PCLO: variants seen among roughly 807,000 people sequenced by gnomAD.
The protein encoded by PCLO is protein piccolo.
A neutral mutation model predicts 427.5 loss-of-function variants in PCLO; 82 were observed. That is an observed-to-expected ratio of 0.19 (90% CI 0.16 to 0.23). The LOEUF is 0.23. Ranked by LOEUF, PCLO falls within the 10% of genes least tolerant of loss-of-function variation. PCLO has a pLI of 1.00. For synonymous variants in PCLO, 2,357 were observed against 2,155.4 expected, an observed-to-expected ratio of 1.09 and a Z score of -2.59; for missense variants, 6,239 against 6,115.9, an observed-to-expected ratio of 1.02 and a Z score of -0.67.
chr7:82,935,831 A>G (rs1794941868), intron 6 of PCLO, among the ~76,000 whole-genome samples: 1 of 151,690 alleles, frequency 6.6e-6, no homozygotes, highest in Non-Finnish European at 1.5e-5. Flanking sequence ...TGATCCCTCT[A>G]TTAAAGCAAA....
intron 3 of PCLO, among the ~76,000 whole-genome samples, chr7:83,084,085 C>T (rs544191549): frequency 3.9e-5 from 6 of 152,188 alleles, no homozygotes; most frequent in African/African-American, 1.2e-4. Flanking sequence ...AAATGTCCAA[C>T]TTTGTCAACT....
At position 82,953,981 on chromosome 7, in the gene PCLO, C is replaced by G; in HGVS notation, c.6972G>C (p.Lys2324Asn). The G allele has an allele frequency of 6.2e-7, 1 of 1,613,912 alleles. No individual in the cohort carries two copies. Among genetic ancestry groups the G allele is most frequent in the African/African-American group, 1.3e-5 (1 of 75,028 alleles). Residue 2324 changes from lysine to asparagine, a missense_variant, in exon 5 of 25, where the codon AAG becomes AAC. By Grantham distance (94) the Lys-to-Asn change is moderately conservative (BLOSUM62 0). Coordinates refer to ENST00000333891, the MANE Select transcript of PCLO (RefSeq NM_033026.6). ...TTTTTGTTCGTTCGGCCTCCAACTC[C>G]TTTTTATCTCTGTAAGCTTCCAAAA... is the stretch of plus-strand genomic sequence containing the variant. ...LEVLEAYRDK[K>N]ELEAERTKSS...
chr7:82,913,909 G>C (rs1276315142), intron 7 of PCLO, among the ~76,000 whole-genome samples: 1 of 151,922 alleles, frequency 6.6e-6, no homozygotes, highest in Non-Finnish European at 1.5e-5. Flanking sequence ...GGCTAAATGG[G>C]CAAATCAGGA....
At chr7:83,151,901 T>C (rs946955905) in intron 2 of PCLO, among the ~76,000 whole-genome samples, 1 of 152,048 alleles carries the variant, frequency 6.6e-6, no homozygotes, top group Non-Finnish European at 1.5e-5. Context: ...CACAAAATTA[T>C]GGGAAGTTTA....
chr7:82,843,466 T>C (rs1032068314), intron 13 of PCLO, among the ~76,000 whole-genome samples: 3 of 152,102 alleles, frequency 2.0e-5, no homozygotes, highest in Non-Finnish European at 4.4e-5. Context: ...TCAAAAGCTC[T>C]GTTATACAAC....
At position 83,134,852 on chromosome 7, in the gene PCLO, C is replaced by T; in HGVS notation, c.2698G>A (p.Glu900Lys). 6.2e-7 allele frequency: 1 copy of T among 1,610,542 alleles called. No homozygotes were observed. Residue 900 changes from glutamate (E) to lysine (K), a missense_variant, in exon 3 of 25, where the codon GAG (glutamate) becomes AAG (lysine). Transcript: ENST00000333891. ...PTPQQSPKPQ[E>K]QSRRFSLNLG... ...TTCAGACTGAAACGCCTTGACTGCT[C>T]CTGAGGCTTTGGGGACTGTTGAGGT...
At chr7:83,039,675 C>T (rs1788923062) in intron 3 of PCLO, among the ~76,000 whole-genome samples, 1 of 152,054 alleles carries the variant, frequency 6.6e-6, no homozygotes, top group East Asian at 1.9e-4. Context: ...TTTGGATAAT[C>T]TGGGCCCCTT....
intron 3 of PCLO, among the ~76,000 whole-genome samples, chr7:82,991,770 G>GC (rs1409536510): frequency 6.6e-6 from 1 of 152,060 alleles, no homozygotes; most frequent in African/African-American, 2.4e-5. Context: ...GGAACAACTA[G>GC]CCTCCCTTCC....
chr7:83,150,081 G>A (rs778152599), intron 2 of PCLO, among the ~76,000 whole-genome samples: 3 of 152,002 alleles, frequency 2.0e-5, no homozygotes, highest in Non-Finnish European at 2.9e-5. Flanking sequence ...GTGATAAGTC[G>A]TTTTCATTTA....
intron 3 of PCLO, among the ~76,000 whole-genome samples, chr7:83,074,692 C>A (rs2116369959): frequency 6.6e-6 from 1 of 152,154 alleles, no homozygotes; most frequent in South Asian, 2.1e-4. Context: ...ATTTGAAAAT[C>A]ATAAAATAAC....
chr7:82,826,555 G>T, intron 18 of PCLO, 34 bp downstream of exon 18: 1 of 1,379,330 alleles, frequency 7.2e-7, no homozygotes, highest in Non-Finnish European at 1.0e-6. Context: ...GTTTACCATA[G>T]CAGCAAATAA....
chr7:83,076,568 AT>A, intron 3 of PCLO, among the ~76,000 whole-genome samples: 1 of 150,156 alleles, frequency 6.7e-6, no homozygotes, highest in South Asian at 2.1e-4. Flanking sequence ...TGGCAGAGAA[AT>A]TTCACTTCTT....
intron 6 of PCLO, among the ~76,000 whole-genome samples, chr7:82,933,198 G>A (rs1303914797): frequency 2.6e-5 from 4 of 151,958 alleles, no homozygotes; most frequent in Non-Finnish European, 5.9e-5. Context: ...GATTGGACTA[G>A]TCTTTGAGTT....
At chr7:83,069,345 T>C (rs1163827161) in intron 3 of PCLO, among the ~76,000 whole-genome samples, 3 of 152,142 alleles carry the variant, frequency 2.0e-5, no homozygotes, top group African/African-American at 7.2e-5. Flanking sequence ...AATCCACTCA[T>C]AAGTGAACCC....
At chr7:82,761,770 G>A (rs184500463) in intron 22 of PCLO, among the ~76,000 whole-genome samples, 2 of 152,102 alleles carry the variant, frequency 1.3e-5, no homozygotes, top group South Asian at 4.1e-4. Flanking sequence ...AGCCTGTAAA[G>A]AGTGAAGAAT....
chr7:82,762,358 A>G (rs991994229), intron 22 of PCLO, among the ~76,000 whole-genome samples: 2 of 152,104 alleles, frequency 1.3e-5, no homozygotes, highest in South Asian at 4.1e-4. Flanking sequence ...GAAATATAAC[A>G]TGAGAAATAA....
chr7:82,994,914 G>A (rs1415419815), intron 3 of PCLO, among the ~76,000 whole-genome samples: 1 of 151,920 alleles, frequency 6.6e-6, no homozygotes. Flanking sequence ...GAAATGTAAA[G>A]ATTATTCTGT....
At chr7:82,775,523 T>C (rs549888158) in intron 22 of PCLO, among the ~76,000 whole-genome samples, 304 of 152,340 alleles carry the variant, frequency 2.0e-3, no homozygotes, top group Non-Finnish European at 3.5e-3. Flanking sequence ...TTATTTGCCA[T>C]CTATACATTT....
intron 6 of PCLO, among the ~76,000 whole-genome samples, chr7:82,924,444 G>T (rs1337136477): frequency 1.3e-5 from 2 of 152,022 alleles, no homozygotes; most frequent in African/African-American, 4.8e-5. Flanking sequence ...GGAAGAAAAA[G>T]ACAAGGTGCC....
Sources: gnomAD v4.1 joint callset for allele counts (sites outside exome capture counted in the v4.1 genomes callset) on GRCh38, gnomAD v4.1.1 for gene constraint, MANE v1.5 for transcripts, NCBI Gene and HGNC (gene_info 2026-07-23, HGNC 2026-07-21) for gene names.